Variants in MYRIP observed in about 807,000 individuals in gnomAD.
The protein encoded by MYRIP is myosin VIIA and Rab interacting protein, also known as rab effector MyRIP.
In MYRIP, 49 loss-of-function variants were observed where a neutral mutation model predicts 98.0. The ratio of observed to expected loss-of-function variants is 0.50; its 90% confidence interval spans 0.40 to 0.63. MYRIP has a LOEUF of 0.63. MYRIP is among the 30% of genes least tolerant of loss of function. The pLI, the probability that MYRIP is intolerant of heterozygous loss-of-function variation, is 0.00. For missense variants in MYRIP, 1,004 were observed against 1,058.2 expected, an observed-to-expected ratio of 0.95 and a Z score of 0.71; for synonymous variants, 404 against 409.5, an observed-to-expected ratio of 0.99 and a Z score of 0.16.
intron 10 of MYRIP, among the ~76,000 whole-genome samples, chr3:40,209,562 C>A (rs547034546): frequency 6.6e-6 from 1 of 151,808 alleles, no homozygotes; most frequent in Non-Finnish European, 1.5e-5. Flanking sequence ...GCATCCTTTG[C>A]ACCAGCACAG....
At chr3:39,980,312 C>A (rs571066416) in intron 2 of MYRIP, among the ~76,000 whole-genome samples, 2 of 152,254 alleles carry the variant, frequency 1.3e-5, no homozygotes, top group Admixed American at 1.3e-4. Flanking sequence ...CATAGTTGTT[C>A]CCCCATGCAA....
chr3:39,837,110 A>G (rs1000092137), intron 1 of MYRIP, among the ~76,000 whole-genome samples: 2 of 152,146 alleles, frequency 1.3e-5, no homozygotes, highest in African/African-American at 4.8e-5. Flanking sequence ...ACTTTCTCTA[A>G]TATTTCCCTT....
chr3:39,851,778 A>G (rs1417734979), intron 1 of MYRIP, among the ~76,000 whole-genome samples: 1 of 152,122 alleles, frequency 6.6e-6, no homozygotes, highest in Non-Finnish European at 1.5e-5. Context: ...TGGAGCCTCC[A>G]TGGGGCATCA....
chr3:39,954,268 C>A (rs1270757681), intron 2 of MYRIP, among the ~76,000 whole-genome samples: 1 of 152,086 alleles, frequency 6.6e-6, no homozygotes, highest in Non-Finnish European at 1.5e-5. Flanking sequence ...CCAGTAGGGG[C>A]CAATTGACAC....
chr3:40,089,126 G>A lies in MYRIP; in HGVS notation c.332+44855G>A, dbSNP rs143324447. On this transcript the variant is annotated intron_variant, in intron 3 of 16. Transcript: ENST00000302541. ...ATGATGCATGGATGTGAGGGCCTGG[G>A]ATCCCTCTGGTGTACAGCACACCTA... Among the ~76,000 whole-genome samples the A allele has an allele frequency of 5.3e-3, 804 of 152,226 alleles. 1 individual carries two copies. Among genetic ancestry groups the A allele is most frequent in the Middle Eastern group, 0.024 (7 of 294 alleles).
chr3:40,138,797 A>C (rs2125558762), intron 3 of MYRIP, among the ~76,000 whole-genome samples: 1 of 152,350 alleles, frequency 6.6e-6, no homozygotes. Context: ...TGCCATGTCA[A>C]GTATAGCTAC....
chr3:40,021,888 A>T (rs769513484), intron 2 of MYRIP, among the ~76,000 whole-genome samples: 43 of 152,236 alleles, frequency 2.8e-4, no homozygotes, highest in Non-Finnish European at 5.3e-4. Flanking sequence ...ACCACTTGTC[A>T]TCATATATGT....
chr3:39,920,251 T>C (rs914254155), intron 2 of MYRIP, among the ~76,000 whole-genome samples: 6 of 152,172 alleles, frequency 3.9e-5, no homozygotes, highest in African/African-American at 1.4e-4. Flanking sequence ...TAGATACCTT[T>C]AAATTTTTAT....
intron 1 of MYRIP, among the ~76,000 whole-genome samples, chr3:39,858,351 T>C (rs1373652182): frequency 6.6e-6 from 1 of 152,154 alleles, no homozygotes; most frequent in East Asian, 1.9e-4. Context: ...AAAGATATTA[T>C]AATTTAGGCA....
chr3:39,902,113 A>C lies in MYRIP; in HGVS notation c.110+1187A>C, dbSNP rs149967770. ...TTTGGCATAGGAAACTGAAGAATGA[A>C]GTTGTCATTCACTGAATATAAAGAC... On this transcript the variant is annotated intron_variant, in intron 2 of 16. Coordinates refer to ENST00000302541, the MANE Select transcript of MYRIP (RefSeq NM_015460.4). 7.0e-3 allele frequency among the ~76,000 whole-genome samples: 1,064 copies of C among 152,314 alleles called. 37 individuals are homozygous for C. The highest frequency in any genetic ancestry group is 0.043 in the Admixed American group (657 of 15,296).
At chr3:40,179,577 T>C (rs1339147821) in intron 8 of MYRIP, among the ~76,000 whole-genome samples, 1 of 152,226 alleles carries the variant, frequency 6.6e-6, no homozygotes, top group African/African-American at 2.4e-5. Flanking sequence ...CTTGTAGATT[T>C]TTTTTAAAGG....
intron 3 of MYRIP, among the ~76,000 whole-genome samples, chr3:40,116,027 A>G (rs1259673707): frequency 1.3e-5 from 2 of 152,174 alleles, no homozygotes; most frequent in African/African-American, 4.8e-5. Flanking sequence ...AGGTATAGAA[A>G]TTGGCATGGA....
intron 1 of MYRIP, among the ~76,000 whole-genome samples, chr3:39,830,240 T>C (rs985204024): frequency 6.6e-6 from 1 of 152,184 alleles, no homozygotes; most frequent in Non-Finnish European, 1.5e-5. Flanking sequence ...TTCTATTCAC[T>C]TGGATGAACC....
At position 40,070,213 on chromosome 3, in the gene MYRIP, G is replaced by T. The variant is rs146813337; in HGVS notation, c.332+25942G>T. 2.1e-4 allele frequency among the ~76,000 whole-genome samples: 32 copies of T among 152,170 alleles called. 1 individual carries two copies. Among genetic ancestry groups the T allele is most frequent in the African/African-American group, 7.7e-4 (32 of 41,512 alleles). Reference sequence around the variant, plus strand: ...TTCCAAGCAAAGCAAGTATTTCAGGGCACTTTAATTCTGAAAGATTTTTCT... The same window carrying T: ...TTCCAAGCAAAGCAAGTATTTCAGGTCACTTTAATTCTGAAAGATTTTTCT... On this transcript the variant is annotated intron_variant, in intron 3 of 16. Transcript: ENST00000302541.
At chr3:39,948,702 G>GA (rs1269926584) in intron 2 of MYRIP, among the ~76,000 whole-genome samples, 2 of 151,146 alleles carry the variant, frequency 1.3e-5, no homozygotes, top group Non-Finnish European at 3.0e-5. Flanking sequence ...AGTTCTAGAA[G>GA]AAAAAAAAGA....
Position 39,936,686 on chromosome 3 carries a change from C to T in MYRIP, c.110+35760C>T, listed in dbSNP as rs188825353. 2.6e-5 allele frequency among the ~76,000 whole-genome samples: 4 copies of T among 152,194 alleles called. No individual in the cohort carries two copies. In the East Asian group the frequency reaches 7.7e-4, roughly 29 times the overall value. ...ACAGCATGCAGAAATATGCTTGCACCGTAATACACAAAGACTCCCCGACGT... is the reference window on the plus strand; with the variant it reads ...ACAGCATGCAGAAATATGCTTGCACTGTAATACACAAAGACTCCCCGACGT... On this transcript the variant is annotated intron_variant, in intron 2 of 16. Coordinates refer to ENST00000302541, the MANE Select transcript of MYRIP (RefSeq NM_015460.4).
intron 9 of MYRIP, among the ~76,000 whole-genome samples, chr3:40,189,090 G>A (rs981429879): frequency 5.9e-5 from 9 of 152,202 alleles, no homozygotes; most frequent in South Asian, 2.1e-4. Flanking sequence ...AAGGACTTCC[G>A]TGGCACAATC....
At chr3:40,090,611 TCAGATGAA>T (rs1948721710) in intron 3 of MYRIP, among the ~76,000 whole-genome samples, 1 of 152,232 alleles carries the variant, frequency 6.6e-6, no homozygotes, top group African/African-American at 2.4e-5. Flanking sequence ...AAACCCTAAC[TCAGATGAA>T]CAGCTTCATT....
intron 1 of MYRIP, among the ~76,000 whole-genome samples, chr3:39,865,239 C>A (rs1323991921): frequency 6.6e-6 from 1 of 152,006 alleles, no homozygotes; most frequent in African/African-American, 2.4e-5. Flanking sequence ...ACATGTATAA[C>A]CTGGCAAAGA....
Sources: gnomAD v4.1 joint callset for allele counts (sites outside exome capture counted in the v4.1 genomes callset) on GRCh38, gnomAD v4.1.1 for gene constraint, MANE v1.5 for transcripts, NCBI Gene and HGNC (gene_info 2026-07-23, HGNC 2026-07-21) for gene names.